The following ADAMTS17 variants were observed in gnomAD, a reference collection of about 807,000 sequenced individuals.
ADAMTS17 encodes A disintegrin and metalloproteinase with thrombospondin motifs 17.
Under a neutral mutation model 141.5 loss-of-function variants are expected in ADAMTS17, and 113 were observed. That is an observed-to-expected ratio of 0.80 (90% CI 0.69 to 0.93). The LOEUF (loss-of-function observed/expected upper bound fraction) is 0.93, where lower values mean the gene tolerates loss of function less well. ADAMTS17 is among the 40% of genes least tolerant of loss of function. ADAMTS17 has a pLI of 0.00. For missense variants in ADAMTS17, 1,659 were observed against 1,517.9 expected (o/e 1.09, Z -1.54); for synonymous variants, 768 against 630.6 (o/e 1.22, Z -3.27).
chr15:100,299,318 G>C (rs1017506621), intron 3 of ADAMTS17, among the ~76,000 whole-genome samples: 2 of 151,604 alleles, frequency 1.3e-5, no homozygotes, highest in African/African-American at 4.9e-5. Flanking sequence ...CCGCCGTCAG[G>C]ACAGTCGGGG....
rs76000431 is a variant in ADAMTS17, at chr15:99,976,289, A to G, written c.2950-67T>C. 9.6e-3 allele frequency: 14,523 copies of G among 1,510,526 alleles called. 136 individuals carry two copies. Among genetic ancestry groups the G allele is most frequent in the Non-Finnish European group, 0.011 (12,917 of 1,126,342 alleles). 93.6% of individuals were successfully genotyped at this position (1,510,526 alleles called of 1,614,324 possible). ...AAGGGACTGGGATGATGGCCTCACA[A>G]TGTGGCACTGCGGAGACAGGACAGC... On this transcript the variant is annotated intron_variant, in intron 20 of 21. Coordinates refer to ENST00000268070, the MANE Select transcript of ADAMTS17 (RefSeq NM_139057.4).
chr15:100,050,029 C>T (rs976411945), intron 17 of ADAMTS17, among the ~76,000 whole-genome samples: 4 of 152,190 alleles, frequency 2.6e-5, no homozygotes, highest in African/African-American at 9.7e-5. Flanking sequence ...GGATCCTGGG[C>T]TCCCTGCTGG....
At position 99,997,244 on chromosome 15, in the gene ADAMTS17, T is replaced by C; in HGVS notation, c.2796+141A>G. The C allele has an allele frequency of 2.2e-6, 2 of 918,086 alleles. No individual in the cohort carries two copies. Among genetic ancestry groups the C allele is most frequent in the Non-Finnish European group, 3.5e-6 (2 of 570,808 alleles). The allele number at this position is 918,086 out of a possible 1,614,324, so 56.9% of individuals were successfully genotyped here. On this transcript the variant is annotated intron_variant, in intron 19 of 21. Coordinates refer to ENST00000268070, the MANE Select transcript of ADAMTS17 (RefSeq NM_139057.4). The surrounding 1 kb of genome is among the most constrained non-coding windows in gnomAD (Gnocchi z 4.7). ...GCCAGGCTGTTATCTGAGATGGAAA[T>C]TAAGAACACATGAGCTATAACACAA...
At chr15:100,032,586 T>G (rs538612710) in intron 18 of ADAMTS17, among the ~76,000 whole-genome samples, 1 of 152,232 alleles carries the variant, frequency 6.6e-6, no homozygotes, top group Admixed American at 6.5e-5. Flanking sequence ...ACTACAGTAC[T>G]GTCTGATGAC....
At chr15:100,250,467 A>G (rs968546849) in intron 7 of ADAMTS17, among the ~76,000 whole-genome samples, 1 of 152,216 alleles carries the variant, frequency 6.6e-6, no homozygotes, top group African/African-American at 2.4e-5. Context: ...TCAAAACAAA[A>G]TTTGAAAAAT....
intron 2 of ADAMTS17, among the ~76,000 whole-genome samples, chr15:100,334,580 T>C (rs1255475567): frequency 6.6e-6 from 1 of 151,986 alleles, no homozygotes; most frequent in Non-Finnish European, 1.5e-5. Flanking sequence ...CTTTCGATCC[T>C]CCCGTCCTGC....
At chr15:100,303,578 C>T (rs1477235579) in intron 3 of ADAMTS17, among the ~76,000 whole-genome samples, 1 of 152,120 alleles carries the variant, frequency 6.6e-6, no homozygotes, top group African/African-American at 2.4e-5. Context: ...GCTTCTAAGA[C>T]TCTGATAGTT....
At chr15:100,002,858 C>T (rs773687767) in intron 18 of ADAMTS17, among the ~76,000 whole-genome samples, 6 of 152,010 alleles carry the variant, frequency 3.9e-5, no homozygotes, top group South Asian at 4.1e-4. Flanking sequence ...CCCTTTCCCG[C>T]GGAGTTCTTA....
rs187244647 is a variant in ADAMTS17, at chr15:100,231,512, G to C, written c.1075+22624C>G. ...ATGAATGAGGAAGAAAAGAATCCTGGCCAGTTACTGATGGTGATCTGTTTC... is the reference window on the plus strand; with the variant it reads ...ATGAATGAGGAAGAAAAGAATCCTGCCCAGTTACTGATGGTGATCTGTTTC... On this transcript the variant is annotated intron_variant, in intron 7 of 21. Coordinates refer to ENST00000268070, the MANE Select transcript of ADAMTS17 (RefSeq NM_139057.4). 4.6e-3 allele frequency among the ~76,000 whole-genome samples: 693 copies of C among 152,260 alleles called. 4 individuals are homozygous for C. The highest frequency in any genetic ancestry group is 0.015 in the African/African-American group (638 of 41,548).
chr15:100,141,022 C>T (rs1021758445), intron 10 of ADAMTS17, among the ~76,000 whole-genome samples: 8 of 152,308 alleles, frequency 5.3e-5, no homozygotes, highest in East Asian at 3.9e-4. Flanking sequence ...CTCCCACTCC[C>T]GCCCCCGGCG....
chr15:100,063,602 C>T (rs138962918), intron 15 of ADAMTS17: 2 of 1,243,152 alleles, frequency 1.6e-6, no homozygotes, highest in East Asian at 1.1e-4. Flanking sequence ...AGGAATGACA[C>T]TGAACCAATT....
intron 15 of ADAMTS17, among the ~76,000 whole-genome samples, chr15:100,064,449 G>A (rs1311669645): frequency 1.3e-5 from 2 of 152,154 alleles, no homozygotes; most frequent in Non-Finnish European, 2.9e-5. Flanking sequence ...CACCTCCCTG[G>A]TGCATCAGTG....
intron 15 of ADAMTS17, among the ~76,000 whole-genome samples, chr15:100,086,227 A>C (rs974918508): frequency 3.3e-5 from 5 of 152,150 alleles, no homozygotes; most frequent in Admixed American, 3.3e-4. Context: ...CTTTAAACCA[A>C]CAAAGATTAA....
At chr15:100,324,711 C>A (rs1419164505) in intron 3 of ADAMTS17, among the ~76,000 whole-genome samples, 1 of 152,168 alleles carries the variant, frequency 6.6e-6, no homozygotes, top group East Asian at 1.9e-4. Flanking sequence ...GCTCTGCAGG[C>A]CCTCTCTCTC....
At chr15:100,133,157 C>T (rs2038142850) in intron 11 of ADAMTS17, 57 bp downstream of exon 11, 9 of 1,465,322 alleles carry the variant, frequency 6.1e-6, no homozygotes, top group Non-Finnish European at 8.4e-6. Flanking sequence ...GAAGAGGTGC[C>T]AGTTGCCTGC....
chr15:100,031,757 T>A (rs1384935416), intron 18 of ADAMTS17, among the ~76,000 whole-genome samples: 2 of 152,228 alleles, frequency 1.3e-5, no homozygotes, highest in Non-Finnish European at 2.9e-5. Flanking sequence ...TCAAATGACT[T>A]ACTAAGACCT....
chr15:100,111,401 G>A (rs1170095389), intron 13 of ADAMTS17, among the ~76,000 whole-genome samples: 1 of 152,256 alleles, frequency 6.6e-6, no homozygotes, highest in Middle Eastern at 3.2e-3. Context: ...ACCTCAGGAG[G>A]TGGCTGGTGG....
In ADAMTS17 at chr15:100,109,059, G is replaced by C. The variant is rs865896179; in HGVS notation, c.1946C>G (p.Ala649Gly). 1 of 1,614,066 alleles carries C rather than the reference G, an allele frequency of 6.2e-7. No homozygotes were observed. The highest frequency in any genetic ancestry group is 1.7e-5 in the Admixed American group (1 of 60,024). Residue 649 changes from alanine (A) to glycine (G), a missense_variant, in exon 14 of 22, where the codon GCC (alanine) becomes GGC (glycine). Physicochemically the swap from Ala to Gly is moderately conservative, Grantham distance 60. Transcript: ENST00000268070. ...PLGKESPLLV[A>G]DRVLDGTPCG... ...GGGTGTACCGTCCAGGACCCTGTCG[G>C]CCACCAGCAGTGGGGACTCCTTCCC...
At chr15:100,178,774 GAATGT>G (rs1265158300) in intron 8 of ADAMTS17, among the ~76,000 whole-genome samples, 2 of 152,032 alleles carry the variant, frequency 1.3e-5, no homozygotes, top group African/African-American at 4.8e-5. Flanking sequence ...CTTTTTCTGA[GAATGT>G]ATTTTTTCTT....
Sources: allele counts gnomAD v4.1 joint callset (sites outside exome capture counted in the v4.1 genomes callset), GRCh38; gene constraint gnomAD v4.1.1; non-coding constraint Gnocchi (gnomAD v3.1); transcripts MANE v1.5; gene names NCBI Gene and HGNC (gene_info 2026-07-23, HGNC 2026-07-21).